GFRA1: variants seen among roughly 807,000 people sequenced by gnomAD.
GFRA1 encodes the protein GDNF family receptor alpha 1.
A neutral mutation model predicts 51.6 loss-of-function variants in GFRA1; 16 were observed. That is an observed-to-expected ratio of 0.31 (90% CI 0.21 to 0.47). The LOEUF (loss-of-function observed/expected upper bound fraction) is 0.47, where lower values mean the gene tolerates loss of function less well. GFRA1 is among the 20% of genes least tolerant of loss of function. The pLI, the probability that GFRA1 is intolerant of heterozygous loss-of-function variation, is 1.00. For missense variants in GFRA1, 530 were observed against 594.3 expected (o/e 0.89, Z 1.13); for synonymous variants, 270 against 241.3 (o/e 1.12, Z -1.10).
chr10:116,271,197 G>C (rs1843904187), intron 2 of GFRA1, 82 bp from the exon 3 acceptor site: 2 of 1,244,168 alleles, frequency 1.6e-6, no homozygotes, highest in Non-Finnish European at 2.2e-6. Context: ...CGCGCGCCCG[G>C]GTCAGGGATG....
intron 4 of GFRA1, among the ~76,000 whole-genome samples, chr10:116,224,248 G>A (rs1296743984): frequency 3.9e-5 from 6 of 152,212 alleles, no homozygotes; most frequent in Admixed American, 3.3e-4. Context: ...TGATGGGACT[G>A]TCAAATGGTA....
chr10:116,071,731 G>A (rs1194532156), intron 9 of GFRA1, among the ~76,000 whole-genome samples: 2 of 152,216 alleles, frequency 1.3e-5, no homozygotes, highest in African/African-American at 4.8e-5. Flanking sequence ...CCCATAGGTG[G>A]TCAATTGGGA....
chr10:116,219,135 G>T (rs538296049), intron 4 of GFRA1, among the ~76,000 whole-genome samples: 4 of 152,182 alleles, frequency 2.6e-5, no homozygotes, highest in East Asian at 1.9e-4. Flanking sequence ...CAATGCAAGA[G>T]ACATGAGCTG....
At chr10:116,271,936 C>A in intron 2 of GFRA1, 54 bp downstream of exon 2, 1 of 1,426,920 alleles carries the variant, frequency 7.0e-7, no homozygotes, top group South Asian at 1.2e-5. Flanking sequence ...CTGCTGCAAG[C>A]GACCCTAGGA....
chr10:116,137,213 G>A (rs1958365117), intron 5 of GFRA1, among the ~76,000 whole-genome samples: 1 of 152,118 alleles, frequency 6.6e-6, no homozygotes, highest in Admixed American at 6.5e-5. Flanking sequence ...GGTATGCATA[G>A]AGAGAAGGAA....
intron 5 of GFRA1, among the ~76,000 whole-genome samples, chr10:116,156,410 T>G (rs191053482): frequency 3.3e-5 from 5 of 150,616 alleles, no homozygotes; most frequent in Admixed American, 2.6e-4. Flanking sequence ...GATATTTACA[T>G]GCTTTTACAA....
intron 4 of GFRA1, among the ~76,000 whole-genome samples, chr10:116,247,433 G>A (rs188761598): frequency 5.7e-4 from 87 of 152,318 alleles, no homozygotes; most frequent in Middle Eastern, 3.4e-3. Flanking sequence ...AAAACCCCCA[G>A]TCCTTCAAAG....
intron 9 of GFRA1, among the ~76,000 whole-genome samples, chr10:116,085,972 T>C (rs536921268): frequency 2.6e-5 from 4 of 152,302 alleles, no homozygotes; most frequent in Non-Finnish European, 5.9e-5. Flanking sequence ...TGTCTATTCT[T>C]CATCCAGAGA....
At chr10:116,186,487 T>C (rs550764625) in intron 5 of GFRA1, among the ~76,000 whole-genome samples, 1 of 151,496 alleles carries the variant, frequency 6.6e-6, no homozygotes, top group Non-Finnish European at 1.5e-5. Context: ...GCACAACTGA[T>C]TGGTTTCCAC....
intron 5 of GFRA1, among the ~76,000 whole-genome samples, chr10:116,185,437 G>T (rs1962613594): frequency 6.6e-6 from 1 of 152,226 alleles, no homozygotes; most frequent in African/African-American, 2.4e-5. Flanking sequence ...CCACTCACCA[G>T]CTTCCATGCG....
At chr10:116,257,376 T>G (rs1968951583) in intron 4 of GFRA1, among the ~76,000 whole-genome samples, 1 of 132,190 alleles carries the variant, frequency 7.6e-6, no homozygotes. Context: ...CTATCCTCCC[T>G]GCCCTCGGCA....
chr10:116,186,447 G>T (rs753914036), intron 5 of GFRA1, among the ~76,000 whole-genome samples: 1 of 152,024 alleles, frequency 6.6e-6, no homozygotes, highest in Admixed American at 6.6e-5. Context: ...AATTGAGCAG[G>T]CACACTTACA....
intron 5 of GFRA1, among the ~76,000 whole-genome samples, chr10:116,131,904 G>GAAAAAAAAAAA (rs71010066): frequency 1.0e-5 from 1 of 100,176 alleles, no homozygotes. Context: ...ATCTCAAAAG[G>GAAAAAAAAAAA]AAAAAAAAAA....
At chr10:116,136,664 C>T (rs1248224418) in intron 5 of GFRA1, among the ~76,000 whole-genome samples, 2 of 152,152 alleles carry the variant, frequency 1.3e-5, no homozygotes, top group Non-Finnish European at 2.9e-5. Flanking sequence ...TCTGTGTGTG[C>T]TGTGCTGAGT....
intron 9 of GFRA1, among the ~76,000 whole-genome samples, chr10:116,088,605 A>G (rs1226980974): frequency 2.0e-5 from 3 of 152,156 alleles, no homozygotes; most frequent in Admixed American, 1.3e-4. Flanking sequence ...CATCAGGAGG[A>G]TAACACCCAA....
chr10:116,093,904 CA>C, intron 7 of GFRA1, 68 bp from the exon 8 acceptor site: 1 of 1,466,346 alleles, frequency 6.8e-7, no homozygotes, highest in Non-Finnish European at 9.6e-7. Context: ...AAAAAGAAAC[CA>C]ATATTCCTCT....
At chr10:116,093,887 A>G (rs375008688) in intron 7 of GFRA1, 51 bp from the exon 8 acceptor site, 19 of 1,587,970 alleles carry the variant, frequency 1.2e-5, no homozygotes, top group Admixed American at 6.7e-5. Flanking sequence ...ATACTTTTCC[A>G]TGGCCTAAAA....
chr10:116,141,071 A>G (rs1958544208), intron 5 of GFRA1, among the ~76,000 whole-genome samples: 1 of 152,214 alleles, frequency 6.6e-6, no homozygotes, highest in Non-Finnish European at 1.5e-5. Context: ...TCTATAACTG[A>G]CTGCTTCCAC....
At chr10:116,228,698 T>C (rs1035332725) in intron 4 of GFRA1, among the ~76,000 whole-genome samples, 3 of 151,832 alleles carry the variant, frequency 2.0e-5, no homozygotes, top group Non-Finnish European at 4.4e-5. Context: ...GAAAGGCAGG[T>C]GGGGCCGGGC....
Sources: gnomAD v4.1 joint callset for allele counts (sites outside exome capture counted in the v4.1 genomes callset) on GRCh38, gnomAD v4.1.1 for gene constraint, MANE v1.5 for transcripts, NCBI Gene and HGNC (gene_info 2026-07-23, HGNC 2026-07-21) for gene names.